The following TMEM163 variants were observed in gnomAD, a reference collection of about 807,000 sequenced individuals.
TMEM163 encodes the protein transmembrane protein 163.
A neutral mutation model predicts 29.3 loss-of-function variants in TMEM163; 17 were observed. The observed-to-expected ratio is 0.58, with a 90% CI of 0.40 to 0.87. The LOEUF is 0.87. Ranked by LOEUF, TMEM163 falls within the 40% of genes least tolerant of loss-of-function variation. The pLI is 0.00. For missense variants in TMEM163, 303 were observed against 381.5 expected, an observed-to-expected ratio of 0.79 and a Z score of 1.71; for synonymous variants, 157 against 160.6, an observed-to-expected ratio of 0.98 and a Z score of 0.17.
intron 2 of TMEM163, among the ~76,000 whole-genome samples, chr2:134,655,380 C>T (rs1382391079): frequency 1.2e-3 from 128 of 107,896 alleles, no homozygotes; most frequent in South Asian, 5.2e-3. Flanking sequence ...AGTTCTCGAG[C>T]CTTGGTTTTC....
At chr2:134,478,546 T>A (rs535322087) in intron 5 of TMEM163, among the ~76,000 whole-genome samples, 1 of 152,306 alleles carries the variant, frequency 6.6e-6, no homozygotes, top group African/African-American at 2.4e-5. Context: ...TCTGTGGAAG[T>A]TTGAACTTAA....
intron 2 of TMEM163, among the ~76,000 whole-genome samples, chr2:134,692,136 C>A (rs1236730309): frequency 6.6e-6 from 1 of 151,884 alleles, no homozygotes; most frequent in Non-Finnish European, 1.5e-5. Context: ...TGCCCATGAG[C>A]CAAGGAATGC....
Position 134,693,608 on chromosome 2 carries a change from C to CAAA in TMEM163, c.322+19589_322+19591dup, listed in dbSNP as rs35183610. On this transcript the variant is annotated intron_variant, in intron 2 of 7. Transcript: ENST00000281924. The stretch of plus-strand genomic sequence containing the variant: ...TGGGCAACAAGAGCAAAAACTACAT[C>CAAA]AAAAAAAAAAAAAAAAAAAAAACCT... Among the ~76,000 whole-genome samples the CAAA allele has an allele frequency of 9.6e-4, 64 of 66,620 alleles. 1 individual carries two copies. The highest frequency in any genetic ancestry group is 0.02 in the Middle Eastern group (2 of 100). The allele number at this position is 66,620 out of a possible 152,430, so 43.7% of individuals were successfully genotyped here.
chr2:134,535,139 G>A lies in TMEM163; in HGVS notation c.458+15431C>T, dbSNP rs193197044. Reference sequence around the variant, plus strand: ...GAAACATGGTTTTTCCATAATCTTAGCCTCAGTCACCTTGGAAGAGGAGGA... The same window carrying A: ...GAAACATGGTTTTTCCATAATCTTAACCTCAGTCACCTTGGAAGAGGAGGA... On this transcript the variant is annotated intron_variant, in intron 4 of 7. Coordinates refer to ENST00000281924, the MANE Select transcript of TMEM163 (RefSeq NM_030923.5). Among the ~76,000 whole-genome samples the A allele has an allele frequency of 1.7e-3, 259 of 152,306 alleles. 2 individuals carry two copies. The highest frequency in any genetic ancestry group is 5.9e-3 in the African/African-American group (245 of 41,572).
intron 5 of TMEM163, among the ~76,000 whole-genome samples, chr2:134,477,925 T>C (rs1686956844): frequency 6.6e-6 from 1 of 152,212 alleles, no homozygotes; most frequent in African/African-American, 2.4e-5. Context: ...ATTCCAAATG[T>C]TGGAGGTGGG....
At chr2:134,584,348 T>C (rs1474050600) in intron 2 of TMEM163, among the ~76,000 whole-genome samples, 2 of 152,186 alleles carry the variant, frequency 1.3e-5, no homozygotes, top group Admixed American at 6.5e-5. Flanking sequence ...ACAGACTCAC[T>C]GCCCAGCCAT....
intron 4 of TMEM163, among the ~76,000 whole-genome samples, chr2:134,541,441 C>G (rs1451457525): frequency 6.6e-6 from 1 of 152,232 alleles, no homozygotes; most frequent in African/African-American, 2.4e-5. Flanking sequence ...ATTATGTAAG[C>G]ATTTTCTTTG....
At chr2:134,561,673 C>T (rs1681187068) in intron 2 of TMEM163, among the ~76,000 whole-genome samples, 1 of 152,220 alleles carries the variant, frequency 6.6e-6, no homozygotes, top group African/African-American at 2.4e-5. Flanking sequence ...TCTTACACCT[C>T]CTTGTGCCAG....
chr2:134,675,103 A>G (rs1684087149), intron 2 of TMEM163, among the ~76,000 whole-genome samples: 1 of 152,184 alleles, frequency 6.6e-6, no homozygotes, highest in Non-Finnish European at 1.5e-5. Context: ...CATCACTTTT[A>G]CTTTTTATGT....
chr2:134,569,385 A>G (rs1177567239), intron 2 of TMEM163, among the ~76,000 whole-genome samples: 1 of 152,054 alleles, frequency 6.6e-6, no homozygotes, highest in African/African-American at 2.4e-5. Context: ...CCCCCACATC[A>G]TTTCAATCAG....
rs1290959895 is a variant in TMEM163, at chr2:134,458,009, A to C, written c.809+23T>G. ...GACACTCCTAGCTGCCAGGAAAGCA[A>C]ACAGGAAAGCACAAGAACCTACTTG... On this transcript the variant is annotated intron_variant, in intron 7 of 7. Coordinates refer to ENST00000281924, the MANE Select transcript of TMEM163 (RefSeq NM_030923.5). 11 of 1,613,692 alleles carry C rather than the reference A, an allele frequency of 6.8e-6. No homozygotes were observed. The African/African-American group carries it at 1.5e-4, about 22-fold the overall frequency.
rs373949431 is a variant in TMEM163, at chr2:134,590,724, C to A, written c.323-38633G>T. 4.7e-4 allele frequency among the ~76,000 whole-genome samples: 71 copies of A among 151,968 alleles called. 1 individual carries two copies. In the South Asian group the frequency reaches 0.014, roughly 31 times the overall value. On this transcript the variant is annotated intron_variant, in intron 2 of 7. Coordinates refer to ENST00000281924, the MANE Select transcript of TMEM163 (RefSeq NM_030923.5). ...TAAACAAGGGGTGAATTATTCATGC[C>A]TCCCTTTTTTAGACCATATAGGGTA...
At chr2:134,690,315 T>C (rs1473049675) in intron 2 of TMEM163, among the ~76,000 whole-genome samples, 1 of 151,622 alleles carries the variant, frequency 6.6e-6, no homozygotes, top group Non-Finnish European at 1.5e-5. Context: ...AGACAGAGTC[T>C]CACTCTGTTG....
chr2:134,602,655 C>T (rs1035804750), intron 2 of TMEM163, among the ~76,000 whole-genome samples: 1 of 152,118 alleles, frequency 6.6e-6, no homozygotes, highest in Admixed American at 6.5e-5. Context: ...CTTTTGAAAC[C>T]ACTTTAAAAG....
intron 5 of TMEM163, among the ~76,000 whole-genome samples, chr2:134,474,886 T>G (rs2106477518): frequency 6.6e-6 from 1 of 152,282 alleles, no homozygotes; most frequent in Middle Eastern, 3.4e-3. Context: ...CTGTGTTCAA[T>G]TATTATTAAA....
At chr2:134,617,601 C>CA (rs780180469) in intron 2 of TMEM163, among the ~76,000 whole-genome samples, 2,623 of 72,264 alleles carry the variant, frequency 0.036, 55 homozygotes, top group African/African-American at 0.1. Context: ...GACCCCATCT[C>CA]AAAAAAAAAA....
At chr2:134,505,239 C>CCTTTT (rs373282805) in intron 4 of TMEM163, among the ~76,000 whole-genome samples, 9,968 of 129,768 alleles carry the variant, frequency 0.077, 494 homozygotes, top group South Asian at 0.15. Flanking sequence ...TGGGGAATTC[C>CCTTTT]TTTTTTTTTT....
chr2:134,695,269 G>T (rs1300692254), intron 2 of TMEM163, among the ~76,000 whole-genome samples: 2 of 151,852 alleles, frequency 1.3e-5, no homozygotes, highest in Non-Finnish European at 2.9e-5. Flanking sequence ...GTAGAGATGG[G>T]GTTTCACCAT....
chr2:134,459,816 T>G (rs1051944075), intron 6 of TMEM163, among the ~76,000 whole-genome samples: 5 of 151,602 alleles, frequency 3.3e-5, no homozygotes, highest in Non-Finnish European at 7.4e-5. Flanking sequence ...TCCCAGGCTC[T>G]GTCCTCTGAG....
Sources: allele counts gnomAD v4.1 joint callset (sites outside exome capture counted in the v4.1 genomes callset), GRCh38; gene constraint gnomAD v4.1.1; transcripts MANE v1.5; gene names NCBI Gene and HGNC (gene_info 2026-07-23, HGNC 2026-07-21).